The following NRG3 variants were observed in gnomAD, a reference collection of about 807,000 sequenced individuals.
NRG3 encodes the protein neuregulin 3, also known as pro-neuregulin-3, membrane-bound isoform.
A neutral mutation model predicts 66.9 loss-of-function variants in NRG3; 31 were observed. That is an observed-to-expected ratio of 0.46 (90% confidence interval 0.35 to 0.63). NRG3 has a LOEUF of 0.63. NRG3 is among the 20% of genes least tolerant of loss of function. The probability of loss-of-function intolerance (pLI) is 0.00; values close to 1 mark genes in which losing one functional copy is unlikely to be tolerated. For synonymous variants in NRG3, 393 were observed against 359.4 expected, an observed-to-expected ratio of 1.09 and a Z score of -1.06; for missense variants, 910 against 878.9, an observed-to-expected ratio of 1.04 and a Z score of -0.45.
intron 1 of NRG3, among the ~76,000 whole-genome samples, chr10:82,078,535 A>G (rs933343316): frequency 6.6e-6 from 1 of 152,146 alleles, no homozygotes; most frequent in African/African-American, 2.4e-5. Flanking sequence ...TGTTTTTAGT[A>G]GAGACAGGGT....
intron 4 of NRG3, among the ~76,000 whole-genome samples, chr10:82,901,408 G>T (rs1020806413): frequency 6.6e-6 from 1 of 152,100 alleles, no homozygotes; most frequent in South Asian, 2.1e-4. Context: ...GTGGAAAAAT[G>T]GTGAGAATAT....
intron 2 of NRG3, among the ~76,000 whole-genome samples, chr10:82,534,657 C>T (rs1385304522): frequency 1.3e-5 from 2 of 152,124 alleles, no homozygotes; most frequent in Non-Finnish European, 2.9e-5. Context: ...AGGCATCACA[C>T]TTTCTGATTT....
At chr10:82,349,920 G>C (rs949643678) in intron 1 of NRG3, among the ~76,000 whole-genome samples, 1 of 152,054 alleles carries the variant, frequency 6.6e-6, no homozygotes, top group African/African-American at 2.4e-5. Context: ...GCCCTGCTTC[G>C]GCTCGCGCAC....
chr10:82,350,509 C>T (rs985971359), intron 1 of NRG3, among the ~76,000 whole-genome samples: 9 of 152,142 alleles, frequency 5.9e-5, no homozygotes, highest in African/African-American at 2.2e-4. Flanking sequence ...AGGAAGTGTG[C>T]CTGGAGCTCT....
chr10:82,647,931 A>G (rs1183507013), intron 2 of NRG3, among the ~76,000 whole-genome samples: 3 of 147,088 alleles, frequency 2.0e-5, no homozygotes, highest in African/African-American at 7.5e-5. Context: ...TAGGTTGCGA[A>G]AATTTTCTCC....
intron 1 of NRG3, among the ~76,000 whole-genome samples, chr10:81,925,874 G>A (rs1368804745): frequency 5.9e-5 from 9 of 152,026 alleles, no homozygotes; most frequent in Non-Finnish European, 1.3e-4. Flanking sequence ...AGCATGCTGA[G>A]CCCTGATTAA....
rs558371698 is a variant in NRG3, at chr10:81,940,829, A to G, written c.823+64666A>G. Among the ~76,000 whole-genome samples the G allele has an allele frequency of 2.0e-5, 3 of 152,208 alleles. No homozygotes were observed. In the East Asian group the frequency reaches 5.8e-4, roughly 29 times the overall value. ...GACTGCATTGGGTCTAACATATTAG[A>G]TCAGAATCTAATATTTTTAAGGTAC... is the stretch of plus-strand genomic sequence containing the variant. On this transcript the variant is annotated intron_variant, in intron 1 of 8. Coordinates refer to ENST00000372141, the MANE Select transcript of NRG3 (RefSeq NM_001010848.4).
At chr10:82,130,964 T>C (rs1398059889) in intron 1 of NRG3, among the ~76,000 whole-genome samples, 3 of 152,206 alleles carry the variant, frequency 2.0e-5, no homozygotes, top group Non-Finnish European at 2.9e-5. Context: ...ATGGATAATT[T>C]GCAAATATTT....
intron 1 of NRG3, among the ~76,000 whole-genome samples, chr10:82,218,996 T>C (rs981158213): frequency 1.1e-4 from 17 of 152,032 alleles, no homozygotes; most frequent in Non-Finnish European, 2.2e-4. Context: ...TCTGAGTTTG[T>C]CCATTATTAG....
chr10:82,256,736 A>G (rs2077748961), intron 1 of NRG3, among the ~76,000 whole-genome samples: 1 of 152,228 alleles, frequency 6.6e-6, no homozygotes, highest in African/African-American at 2.4e-5. Flanking sequence ...TATTCTCCAG[A>G]TTCACAAGGA....
At chr10:82,581,604 A>G (rs570777706) in intron 2 of NRG3, among the ~76,000 whole-genome samples, 3 of 152,116 alleles carry the variant, frequency 2.0e-5, no homozygotes, top group African/African-American at 2.4e-5. Context: ...TTCTATGGGT[A>G]TAGAGTTTCA....
intron 1 of NRG3, among the ~76,000 whole-genome samples, chr10:82,357,510 G>A (rs920021694): frequency 2.0e-5 from 3 of 152,206 alleles, no homozygotes; most frequent in Non-Finnish European, 4.4e-5. Context: ...AGGCTGGGAA[G>A]TCTAAGGTCA....
intron 2 of NRG3, among the ~76,000 whole-genome samples, chr10:82,625,755 A>C (rs964543041): frequency 4.6e-5 from 7 of 152,188 alleles, no homozygotes; most frequent in African/African-American, 1.7e-4. Flanking sequence ...TTTTCAAATT[A>C]AAGATGGAAA....
At chr10:82,829,410 T>C (rs1031033983) in intron 3 of NRG3, among the ~76,000 whole-genome samples, 1 of 152,152 alleles carries the variant, frequency 6.6e-6, no homozygotes, top group Admixed American at 6.5e-5. Context: ...GTGAGTTTCA[T>C]TTGGGATTTG....
intron 1 of NRG3, among the ~76,000 whole-genome samples, chr10:81,890,788 T>C (rs978919197): frequency 6.6e-6 from 1 of 152,210 alleles, no homozygotes; most frequent in South Asian, 2.1e-4. Context: ...TGCCGGTCAG[T>C]GAACTCTTTA....
chr10:82,985,610 A>C lies in NRG3; in HGVS notation c.*5A>C. The C allele has an allele frequency of 1.9e-6, 3 of 1,606,860 alleles. No individual in the cohort carries two copies. Among genetic ancestry groups the C allele is most frequent in the Non-Finnish European group, 2.5e-6 (3 of 1,178,700 alleles). On this transcript the variant is annotated 3_prime_UTR_variant, in exon 9 of 9. Coordinates refer to ENST00000372141, the MANE Select transcript of NRG3 (RefSeq NM_001010848.4). ...GACTCTGCATTGACCAAGTGACTTG[A>C]GATGTAGGAATCTGTGCATTCTATG...
At chr10:82,117,073 C>T (rs1035646351) in intron 1 of NRG3, among the ~76,000 whole-genome samples, 1 of 152,092 alleles carries the variant, frequency 6.6e-6, no homozygotes, top group African/African-American at 2.4e-5. Flanking sequence ...GATTCCTTTC[C>T]ATCTGGTCCA....
At chr10:82,099,281 T>C (rs2066575370) in intron 1 of NRG3, among the ~76,000 whole-genome samples, 2 of 152,318 alleles carry the variant, frequency 1.3e-5, no homozygotes, top group South Asian at 4.1e-4. Context: ...AAACATAAAA[T>C]TTGGTTAGGA....
chr10:82,972,563 A>G (rs1039869436), intron 6 of NRG3, among the ~76,000 whole-genome samples: 17 of 152,184 alleles, frequency 1.1e-4, no homozygotes, highest in Non-Finnish European at 2.5e-4. Context: ...TGTAAATATA[A>G]GACTACAAGC....
Sources: gnomAD v4.1 joint callset for allele counts (sites outside exome capture counted in the v4.1 genomes callset) on GRCh38, gnomAD v4.1.1 for gene constraint, MANE v1.5 for transcripts, NCBI Gene and HGNC (gene_info 2026-07-23, HGNC 2026-07-21) for gene names.